CDH18: variants seen among roughly 807,000 people sequenced by gnomAD.
The protein encoded by CDH18 is cadherin-18.
Under a neutral mutation model 67.9 loss-of-function variants are expected in CDH18, and 31 were observed. The observed-to-expected ratio is 0.46, with a 90% CI of 0.34 to 0.62. CDH18 has a LOEUF of 0.62. Among genes scored for constraint, CDH18 ranks in the 20% least tolerant of loss-of-function variants. CDH18 has a pLI of 0.01. For synonymous variants in CDH18, 362 were observed against 347.2 expected, an observed-to-expected ratio of 1.04 and a Z score of -0.48; for missense variants, 890 against 975.5, an observed-to-expected ratio of 0.91 and a Z score of 1.17.
At chr5:20,018,255 T>G (rs1256659987) in intron 2 of CDH18, among the ~76,000 whole-genome samples, 2 of 152,180 alleles carry the variant, frequency 1.3e-5, no homozygotes, top group East Asian at 3.9e-4. Flanking sequence ...ATTTACACCC[T>G]TTTTCTATGG....
chr5:19,787,239 T>C (rs1383431254), intron 3 of CDH18, among the ~76,000 whole-genome samples: 1 of 152,062 alleles, frequency 6.6e-6, no homozygotes, highest in Non-Finnish European at 1.5e-5. Flanking sequence ...TGGATCACAA[T>C]GTCAAGAGTT....
chr5:19,945,306 GC>G (rs1402972960), intron 2 of CDH18, among the ~76,000 whole-genome samples: 1 of 152,142 alleles, frequency 6.6e-6, no homozygotes, highest in Non-Finnish European at 1.5e-5. Flanking sequence ...AAGCAGACAG[GC>G]AAAGAGTGCA....
intron 2 of CDH18, among the ~76,000 whole-genome samples, chr5:20,221,250 C>G (rs1741198062): frequency 6.6e-6 from 1 of 151,958 alleles, no homozygotes; most frequent in African/African-American, 2.4e-5. Flanking sequence ...ATATGTGGTA[C>G]CTATATACAC....
At chr5:19,508,573 GA>G (rs33930834) in intron 10 of CDH18, among the ~76,000 whole-genome samples, 30,525 of 151,380 alleles carry the variant, frequency 0.2, 3,372 homozygotes, top group African/African-American at 0.27. Context: ...AGCAAAGGGT[GA>G]AAAAAAATAG....
intron 2 of CDH18, among the ~76,000 whole-genome samples, chr5:20,145,425 G>A (rs1171526666): frequency 1.3e-5 from 2 of 152,020 alleles, no homozygotes; most frequent in African/African-American, 2.4e-5. Flanking sequence ...TGTTGCTAAC[G>A]TTACCCTGCA....
chr5:20,554,271 C>CAGGTTTGACCCAAGGGTCATA (rs1757788476), intron 1 of CDH18, among the ~76,000 whole-genome samples: 1 of 152,148 alleles, frequency 6.6e-6, no homozygotes, highest in Non-Finnish European at 1.5e-5. Flanking sequence ...GGCGATGGTC[C>CAGGTTTGACCCAAGGGTCATA]AGGTTTGACC....
At chr5:20,134,144 A>AT (rs1253157750) in intron 2 of CDH18, among the ~76,000 whole-genome samples, 1 of 151,908 alleles carries the variant, frequency 6.6e-6, no homozygotes, top group Non-Finnish European at 1.5e-5. Context: ...TAATTTCTGC[A>AT]TTTTTTAGTA....
chr5:19,776,594 A>C (rs183520496), intron 3 of CDH18, among the ~76,000 whole-genome samples: 7 of 152,286 alleles, frequency 4.6e-5, no homozygotes, highest in African/African-American at 1.7e-4. Context: ...GCGTAATGAC[A>C]GTGTCATACA....
chr5:19,679,013 C>A (rs1424009505), intron 5 of CDH18, among the ~76,000 whole-genome samples: 2 of 151,918 alleles, frequency 1.3e-5, no homozygotes, highest in East Asian at 1.9e-4. Flanking sequence ...AACATGAGAC[C>A]AATATCCTTG....
chr5:19,908,386 A>T (rs1301625357), intron 2 of CDH18, among the ~76,000 whole-genome samples: 1 of 152,128 alleles, frequency 6.6e-6, no homozygotes, highest in East Asian at 1.9e-4. Context: ...ATAATCTTAA[A>T]TTAAAGTTAG....
intron 1 of CDH18, among the ~76,000 whole-genome samples, chr5:20,482,572 A>T (rs1049784639): frequency 2.0e-5 from 3 of 152,142 alleles, no homozygotes; most frequent in Admixed American, 2.0e-4. Context: ...AAGATAATTT[A>T]TTATGACCAG....
At chr5:20,477,280 A>G (rs1752505754) in intron 1 of CDH18, among the ~76,000 whole-genome samples, 1 of 152,204 alleles carries the variant, frequency 6.6e-6, no homozygotes, top group Non-Finnish European at 1.5e-5. Flanking sequence ...TGCACGCTCA[A>G]CTATCTAAAC....
At chr5:20,445,222 C>A (rs74359651) in intron 1 of CDH18, among the ~76,000 whole-genome samples, 2,509 of 152,240 alleles carry the variant, frequency 0.016, 39 homozygotes, top group Middle Eastern at 0.072. Flanking sequence ...ATTAGAACAT[C>A]ATTTAGAGTT....
intron 6 of CDH18, among the ~76,000 whole-genome samples, chr5:19,592,892 T>C (rs575765115): frequency 6.6e-6 from 1 of 152,142 alleles, no homozygotes; most frequent in African/African-American, 2.4e-5. Flanking sequence ...CTATTTTAGA[T>C]ACCTCATCTG....
At chr5:19,949,127 C>A (rs1343435473) in intron 2 of CDH18, among the ~76,000 whole-genome samples, 9 of 152,058 alleles carry the variant, frequency 5.9e-5, no homozygotes, top group Non-Finnish European at 1.2e-4. Flanking sequence ...ACTATATTTT[C>A]TCAGGATGTT....
At chr5:19,521,678 A>C (rs1746916267) in intron 9 of CDH18, among the ~76,000 whole-genome samples, 1 of 143,048 alleles carries the variant, frequency 7.0e-6, no homozygotes, top group African/African-American at 2.5e-5. Flanking sequence ...CATGATAGTA[A>C]GAAAATAGAT....
chr5:20,345,682 T>A (rs563030816), intron 1 of CDH18, among the ~76,000 whole-genome samples: 4 of 152,212 alleles, frequency 2.6e-5, no homozygotes, highest in African/African-American at 9.6e-5. Context: ...AAGGTCAGAA[T>A]CTTAGTAATT....
intron 1 of CDH18, among the ~76,000 whole-genome samples, chr5:20,349,854 C>T (rs1054554619): frequency 6.6e-6 from 1 of 152,046 alleles, no homozygotes. Flanking sequence ...CTAAGATAAA[C>T]GAGCTGGAGC....
intron 1 of CDH18, among the ~76,000 whole-genome samples, chr5:20,291,101 T>C (rs1747071515): frequency 6.6e-6 from 1 of 152,110 alleles, no homozygotes; most frequent in South Asian, 2.1e-4. Context: ...ATGTCATGAA[T>C]AAAATATGTA....
Sources: gnomAD v4.1 joint callset for allele counts (sites outside exome capture counted in the v4.1 genomes callset) on GRCh38, gnomAD v4.1.1 for gene constraint, MANE v1.5 for transcripts, NCBI Gene and HGNC (gene_info 2026-07-23, HGNC 2026-07-21) for gene names.